Variants in ADAMTS2 observed in about 807,000 individuals in gnomAD.
ADAMTS2 encodes the protein A disintegrin and metalloproteinase with thrombospondin motifs 2.
ADAMTS2 carries 50 observed loss-of-function variants against 123.0 expected under a neutral mutation model. The ratio of observed to expected loss-of-function variants is 0.41; its 90% confidence interval spans 0.32 to 0.51. The LOEUF is 0.51. Among genes scored for constraint, ADAMTS2 ranks in the 20% least tolerant of loss-of-function variants. The pLI, the probability that ADAMTS2 is intolerant of heterozygous loss-of-function variation, is 0.35. For synonymous variants in ADAMTS2, 678 were observed against 695.4 expected (o/e 0.98, Z 0.39); for missense variants, 1,494 against 1,705.2 (o/e 0.88, Z 2.18).
At chr5:179,135,523 G>A (rs1178259712) in intron 13 of ADAMTS2, among the ~76,000 whole-genome samples, 1 of 152,250 alleles carries the variant, frequency 6.6e-6, no homozygotes, top group Non-Finnish European at 1.5e-5. Context: ...GATCCAGCAA[G>A]AAGCTGCCCA....
Position 179,160,095 on chromosome 5 carries a change from G to A in ADAMTS2, c.976-1216C>T, listed in dbSNP as rs557908496. Among the ~76,000 whole-genome samples the A allele has an allele frequency of 5.6e-4, 86 of 152,220 alleles. 1 individual carries two copies. The highest frequency in any genetic ancestry group is 1.5e-4 in the Non-Finnish European group (10 of 68,040). On this transcript the variant is annotated intron_variant, in intron 5 of 21. Coordinates refer to ENST00000251582, the MANE Select transcript of ADAMTS2 (RefSeq NM_014244.5). ...TGTGCATTCCTTGGAAGCTACGTATGCAGGTGTTTTTTCTCTTGCATAAAT... is the reference window on the plus strand; with the variant it reads ...TGTGCATTCCTTGGAAGCTACGTATACAGGTGTTTTTTCTCTTGCATAAAT...
intron 3 of ADAMTS2, among the ~76,000 whole-genome samples, chr5:179,217,192 G>A (rs1765002372): frequency 6.6e-6 from 1 of 152,204 alleles, no homozygotes; most frequent in Admixed American, 6.5e-5. Flanking sequence ...GTGCTACCAA[G>A]GTTAGAAGTT....
At position 179,153,774 on chromosome 5, in the gene ADAMTS2, T is replaced by A. The variant is rs997754398; in HGVS notation, c.1383-151A>T. The A allele has an allele frequency of 4.0e-5, 52 of 1,293,314 alleles. No homozygotes were observed. In the African/African-American group the frequency reaches 6.7e-4, roughly 17 times the overall value. 80.1% of individuals were successfully genotyped at this position (1,293,314 alleles called of 1,614,324 possible). A position where few individuals can be genotyped will look rare whatever the true frequency, so the allele number is the denominator to read the frequency against. On this transcript the variant is annotated intron_variant, in intron 8 of 21. Transcript: ENST00000251582. ...GTGCTGCCTCAGTTTCCCTGCTGCA[T>A]CTCTTGTCCTTGGTGTAAGACACCA... is the stretch of plus-strand genomic sequence containing the variant.
chr5:179,199,261 A>G (rs997734175), intron 4 of ADAMTS2, among the ~76,000 whole-genome samples: 3 of 152,150 alleles, frequency 2.0e-5, no homozygotes, highest in African/African-American at 7.2e-5. Flanking sequence ...GCAATGCAGC[A>G]TGGTCCCATC....
intron 3 of ADAMTS2, among the ~76,000 whole-genome samples, chr5:179,227,695 A>C (rs1162258520): frequency 6.6e-6 from 1 of 152,098 alleles, no homozygotes; most frequent in Non-Finnish European, 1.5e-5. Context: ...CAGAGGGGGA[A>C]GGGTGTTCCT....
In ADAMTS2 at chr5:179,206,480, G is replaced by A. The variant is rs187053524; in HGVS notation, c.891+1033C>T. Among the ~76,000 whole-genome samples, 928 of 152,208 alleles carry A rather than the reference G, an allele frequency of 6.1e-3. 6 individuals are homozygous for A. Among genetic ancestry groups the A allele is most frequent in the Non-Finnish European group, 9.1e-3 (619 of 68,002 alleles). On this transcript the variant is annotated intron_variant, in intron 4 of 21. Transcript: ENST00000251582. ...ATCCACAGGTGTGGACACGCAGCAC[G>A]GGGTTCTAGAACTTCCCACCTGCCC...
In ADAMTS2 at chr5:179,175,283, T is replaced by C. The variant is rs986048387; in HGVS notation, c.975+5789A>G. Among the ~76,000 whole-genome samples, 12 of 152,166 alleles carry C rather than the reference T, an allele frequency of 7.9e-5. No homozygotes were observed. The highest frequency in any genetic ancestry group is 2.7e-4 in the African/African-American group (11 of 41,422). On this transcript the variant is annotated intron_variant, in intron 5 of 21. Coordinates refer to ENST00000251582, the MANE Select transcript of ADAMTS2 (RefSeq NM_014244.5). This position sits in a 1 kb window ranked among gnomAD's most constrained non-coding sequence, Gnocchi z 4.1. ...TCATGTTCCTTTGGAGGATGTCTCT[T>C]CCTTGCTTGGGTTCCGCAGCTGTCT...
rs1212009845 is a variant in ADAMTS2, at chr5:179,118,769, A to C, written c.3178+2892T>G. 6.6e-6 allele frequency among the ~76,000 whole-genome samples: 1 copy of C among 152,208 alleles called. No individual in the cohort carries two copies. Among genetic ancestry groups the C allele is most frequent in the Non-Finnish European group, 1.5e-5 (1 of 68,034 alleles). On this transcript the variant is annotated intron_variant, in intron 21 of 21. Transcript: ENST00000251582. The surrounding 1 kb of genome is among the most constrained non-coding windows in gnomAD (Gnocchi z 4.5). ...AGAGACTCCTGCCTGCCAAGCTCTG[A>C]GCTGAAGGGAAATGAGCAAATGTGA...
Position 179,224,104 on chromosome 5 carries a change from T to C in ADAMTS2, c.689-16389A>G, listed in dbSNP as rs111434758. On this transcript the variant is annotated intron_variant, in intron 3 of 21. Transcript: ENST00000251582. ...GTCTGTATCTCCTTGGTGGGAGCAG[T>C]TGGCCGTGGAGTCTACATCGGTTTC... Among the ~76,000 whole-genome samples the C allele has an allele frequency of 1.7e-3, 253 of 152,330 alleles. 2 individuals are homozygous for C. Among genetic ancestry groups the C allele is most frequent in the African/African-American group, 5.7e-3 (237 of 41,580 alleles).
At chr5:179,251,464 G>A (rs1012976984) in intron 3 of ADAMTS2, among the ~76,000 whole-genome samples, 4 of 152,112 alleles carry the variant, frequency 2.6e-5, no homozygotes, top group Non-Finnish European at 5.9e-5. Flanking sequence ...GTCTGCAGAT[G>A]AGAGTCAGAA....
At chr5:179,338,039 T>C (rs1183400149) in intron 2 of ADAMTS2, among the ~76,000 whole-genome samples, 2 of 152,310 alleles carry the variant, frequency 1.3e-5, no homozygotes, top group Non-Finnish European at 2.9e-5. Context: ...CGGCGAGCCA[T>C]TGGGCAGGAG....
At chr5:179,295,743 C>T (rs1376709246) in intron 2 of ADAMTS2, among the ~76,000 whole-genome samples, 1 of 152,248 alleles carries the variant, frequency 6.6e-6, no homozygotes, top group Non-Finnish European at 1.5e-5. Flanking sequence ...GCGGCTGGGG[C>T]AGTCCCGCAA....
intron 4 of ADAMTS2, among the ~76,000 whole-genome samples, chr5:179,200,925 C>A (rs953028136): frequency 2.6e-5 from 4 of 152,148 alleles, no homozygotes; most frequent in Non-Finnish European, 5.9e-5. Context: ...GAATAAAACA[C>A]CCCCAAATCC....
rs565772010 is a variant in ADAMTS2 at position 179,155,626 on chromosome 5, G to A, written c.1133-707C>T. ...GGGGAGGGTGGCAGAAGTTCATGAC[G>A]CAGAGACCCCACGTCAAACTGAGGA... On this transcript the variant is annotated intron_variant, in intron 6 of 21. Transcript: ENST00000251582. This position sits in a 1 kb window ranked among gnomAD's most constrained non-coding sequence, Gnocchi z 5.1. Among the ~76,000 whole-genome samples the A allele has an allele frequency of 4.6e-5, 7 of 152,290 alleles. No individual in the cohort carries two copies. The highest frequency in any genetic ancestry group is 2.1e-4 in the South Asian group (1 of 4,820).
chr5:179,196,800 C>A (rs1232726690), intron 4 of ADAMTS2, among the ~76,000 whole-genome samples: 1 of 152,186 alleles, frequency 6.6e-6, no homozygotes, highest in Admixed American at 6.5e-5. Context: ...GCTTTGTGGG[C>A]CATATGGTTT....
At chr5:179,176,950 C>A (rs1763945902) in intron 5 of ADAMTS2, among the ~76,000 whole-genome samples, 2 of 151,696 alleles carry the variant, frequency 1.3e-5, no homozygotes, top group South Asian at 2.1e-4. Flanking sequence ...GGACCATCTT[C>A]AGGTGTGGGT....
In ADAMTS2 at chr5:179,314,116, A is replaced by G. The variant is rs1683633; in HGVS notation, c.534+29651T>C. 0.28 allele frequency among the ~76,000 whole-genome samples: 42,441 copies of G among 149,860 alleles called. 7,268 individuals are homozygous for G. Among genetic ancestry groups the G allele is most frequent in the Middle Eastern group, 0.35 (103 of 292 alleles). On this transcript the variant is annotated intron_variant, in intron 2 of 21. Transcript: ENST00000251582. This position sits in a 1 kb window ranked among gnomAD's most constrained non-coding sequence, Gnocchi z 4.5. ...TGCCTATGCCCAGACCTCCAGCTTCAGGCTCTGCATCCACACGGAGGCTTC... is the reference window on the plus strand; with the variant it reads ...TGCCTATGCCCAGACCTCCAGCTTCGGGCTCTGCATCCACACGGAGGCTTC...
At position 179,261,879 on chromosome 5, in the gene ADAMTS2, C is replaced by T. The variant is rs538165773; in HGVS notation, c.688+11032G>A. ...TAGACAAACAAGGATGCACACACGT[C>T]CATGGGACCCCAAACCTCACACTGT... On this transcript the variant is annotated intron_variant, in intron 3 of 21. Coordinates refer to ENST00000251582, the MANE Select transcript of ADAMTS2 (RefSeq NM_014244.5). Among the ~76,000 whole-genome samples, 15 of 152,286 alleles carry T rather than the reference C, an allele frequency of 9.8e-5. No individual in the cohort carries two copies. In the South Asian group the frequency reaches 3.1e-3, roughly 32 times the overall value.
rs941696863 is a variant in ADAMTS2 at position 179,283,903 on chromosome 5, C to T, written c.535-10839G>A. Among the ~76,000 whole-genome samples the T allele has an allele frequency of 2.7e-5, 4 of 148,306 alleles. No homozygotes were observed. The South Asian group carries it at 6.4e-4, about 24-fold the overall frequency. ...AGACCCTGACTCAAAAAAACCAAAA[C>T]CTAAAACTAAACAAACAAAACAAAA... On this transcript the variant is annotated intron_variant, in intron 2 of 21. Coordinates refer to ENST00000251582, the MANE Select transcript of ADAMTS2 (RefSeq NM_014244.5).
Sources: allele counts gnomAD v4.1 joint callset (sites outside exome capture counted in the v4.1 genomes callset), GRCh38; gene constraint gnomAD v4.1.1; non-coding constraint Gnocchi (gnomAD v3.1); transcripts MANE v1.5; gene names NCBI Gene and HGNC (gene_info 2026-07-23, HGNC 2026-07-21).